DENND1A: variants seen among roughly 807,000 people sequenced by gnomAD.
DENND1A encodes DENN domain containing 1A.
Under a neutral mutation model 113.7 loss-of-function variants are expected in DENND1A, and 51 were observed. That is an observed-to-expected ratio of 0.45 (90% CI 0.36 to 0.57). The LOEUF is 0.57. Among genes scored for constraint, DENND1A ranks in the 20% least tolerant of loss-of-function variants. DENND1A has a pLI of 0.00. For missense variants in DENND1A, 1,258 were observed against 1,395.9 expected, an observed-to-expected ratio of 0.90 and a Z score of 1.57; for synonymous variants, 565 against 570.8, an observed-to-expected ratio of 0.99 and a Z score of 0.14.
At chr9:123,432,762 T>G (rs1479234270) in intron 19 of DENND1A, among the ~76,000 whole-genome samples, 1 of 152,234 alleles carries the variant, frequency 6.6e-6, no homozygotes, top group South Asian at 2.1e-4. Flanking sequence ...CTAGGTACCT[T>G]CTGCCCCAAC....
chr9:123,853,211 C>A (rs1246899967), intron 2 of DENND1A, among the ~76,000 whole-genome samples: 1 of 151,596 alleles, frequency 6.6e-6, no homozygotes, highest in Non-Finnish European at 1.5e-5. Context: ...AGCCACCACG[C>A]CCAGCCTTTA....
chr9:123,783,495 C>G (rs200573456), intron 3 of DENND1A, among the ~76,000 whole-genome samples: 2 of 152,154 alleles, frequency 1.3e-5, no homozygotes, highest in African/African-American at 4.8e-5. Flanking sequence ...ATAGGAGACA[C>G]GACATAATTA....
At chr9:123,907,433 A>G (rs1853072334) in intron 1 of DENND1A, among the ~76,000 whole-genome samples, 2 of 151,786 alleles carry the variant, frequency 1.3e-5, no homozygotes, top group South Asian at 2.1e-4. Context: ...ACATGATTGT[A>G]TATCTAGAAA....
At chr9:123,440,569 C>A in intron 18 of DENND1A, 78 bp from the exon 19 acceptor site, 3 of 1,459,590 alleles carry the variant, frequency 2.1e-6, no homozygotes, top group South Asian at 1.5e-5. Flanking sequence ...AACGAAGAGG[C>A]CTGCCAGGCG....
chr9:123,784,415 G>C (rs1221991147), intron 3 of DENND1A, among the ~76,000 whole-genome samples: 1 of 152,094 alleles, frequency 6.6e-6, no homozygotes, highest in Non-Finnish European at 1.5e-5. Flanking sequence ...GAATGCAGAG[G>C]GAAACAGAAG....
chr9:123,516,904 A>AAAAAAAAAAAAAAAAAAAAAG (rs2053970942), intron 13 of DENND1A, among the ~76,000 whole-genome samples: 1 of 35,616 alleles, frequency 2.8e-5, no homozygotes, highest in Non-Finnish European at 1.2e-4. Context: ...AAAAAAAAAA[A>AAAAAAAAAAAAAAAAAAAAAG]AAAAAAAAAA....
chr9:123,407,988 T>TTC (rs1261133253), intron 20 of DENND1A, among the ~76,000 whole-genome samples: 1 of 152,200 alleles, frequency 6.6e-6, no homozygotes, highest in Non-Finnish European at 1.5e-5. Context: ...CTTCTGCTCT[T>TTC]TCTTTTTTCT....
At position 123,503,893 on chromosome 9, in the gene DENND1A, C is replaced by T. The variant is rs190268448; in HGVS notation, c.994-45996G>A. Among the ~76,000 whole-genome samples, 67 of 152,272 alleles carry T rather than the reference C, an allele frequency of 4.4e-4. 1 individual carries two copies. Among genetic ancestry groups the T allele is most frequent in the African/African-American group, 1.3e-3 (54 of 41,536 alleles). The stretch of plus-strand genomic sequence containing the variant: ...TCTGGGCAATGGCTGAGGGTCCTGT[C>T]GGGTCTTTATCGTTCCCTGTGTGCT... On this transcript the variant is annotated intron_variant, in intron 13 of 23. Transcript: ENST00000394215.
At chr9:123,826,952 A>T (rs895314608) in intron 2 of DENND1A, among the ~76,000 whole-genome samples, 1 of 152,234 alleles carries the variant, frequency 6.6e-6, no homozygotes, top group African/African-American at 2.4e-5. Flanking sequence ...CTAGAAAATA[A>T]CTTCTGTAAT....
At chr9:123,613,351 A>C (rs1020479607) in intron 10 of DENND1A, among the ~76,000 whole-genome samples, 7 of 152,230 alleles carry the variant, frequency 4.6e-5, no homozygotes, top group African/African-American at 1.4e-4. Flanking sequence ...TAAAAAAAAA[A>C]AACTTCTTCA....
intron 1 of DENND1A, among the ~76,000 whole-genome samples, chr9:123,879,534 A>G (rs1030947856): frequency 6.7e-6 from 1 of 149,392 alleles, no homozygotes; most frequent in African/African-American, 2.5e-5. Context: ...TGCTGTCTCA[A>G]AAATGAATAA....
Position 123,393,986 on chromosome 9 carries a change from G to A in DENND1A, c.1632-6128C>T, listed in dbSNP as rs2042986875. On this transcript the variant is annotated intron_variant, in intron 21 of 23. Transcript: ENST00000394215. ...CAAGGCTCCATTTGGGAGGTGATGT[G>A]GGAGCCAGACTTTTTTTTTTTTTGA... Among the ~76,000 whole-genome samples, 3 of 118,844 alleles carry A rather than the reference G, an allele frequency of 2.5e-5. No homozygotes were observed. The Admixed American group carries it at 2.8e-4, about 11-fold the overall frequency. 78.0% of individuals were successfully genotyped at this position (118,844 alleles called of 152,430 possible). A position where few individuals can be genotyped will look rare whatever the true frequency, so the allele number is the denominator to read the frequency against.
At chr9:123,566,922 C>A (rs1254883611) in intron 12 of DENND1A, among the ~76,000 whole-genome samples, 1 of 151,584 alleles carries the variant, frequency 6.6e-6, no homozygotes, top group Non-Finnish European at 1.5e-5. Flanking sequence ...ACCACACACA[C>A]ACACACACAC....
chr9:123,565,058 C>T (rs2057977977), intron 12 of DENND1A, among the ~76,000 whole-genome samples: 1 of 138,692 alleles, frequency 7.2e-6, no homozygotes, highest in Non-Finnish European at 1.5e-5. Context: ...GTGGCACCAT[C>T]TTGGCTCACT....
intron 5 of DENND1A, among the ~76,000 whole-genome samples, chr9:123,724,821 C>T (rs1414302337): frequency 6.6e-6 from 1 of 152,182 alleles, no homozygotes; most frequent in Non-Finnish European, 1.5e-5. Context: ...GTAAAAAACA[C>T]AAATCATCCC....
chr9:123,925,473 TG>T (rs771149290), intron 1 of DENND1A, among the ~76,000 whole-genome samples: 6 of 152,196 alleles, frequency 3.9e-5, no homozygotes, highest in Admixed American at 6.5e-5. Context: ...ACTTGTGTTT[TG>T]TTTTTTTTGT....
chr9:123,875,469 A>T (rs552161491), intron 2 of DENND1A, among the ~76,000 whole-genome samples: 89 of 152,362 alleles, frequency 5.8e-4, no homozygotes, highest in Admixed American at 2.6e-3. Context: ...ACAACTGACT[A>T]GAAGGCCAGG....
chr9:123,716,235 A>ATC (rs1323653503), intron 5 of DENND1A, among the ~76,000 whole-genome samples: 1 of 152,216 alleles, frequency 6.6e-6, no homozygotes, highest in Non-Finnish European at 1.5e-5. Flanking sequence ...ATCTTCACAG[A>ATC]TCTCTACTCC....
chr9:123,635,908 C>T (rs1482193413), intron 9 of DENND1A, among the ~76,000 whole-genome samples: 2 of 152,156 alleles, frequency 1.3e-5, no homozygotes, highest in East Asian at 3.9e-4. Flanking sequence ...TCCTAGGTCT[C>T]AATTTGTCCT....
Sources: allele counts gnomAD v4.1 joint callset (sites outside exome capture counted in the v4.1 genomes callset), GRCh38; gene constraint gnomAD v4.1.1; transcripts MANE v1.5; gene names NCBI Gene and HGNC (gene_info 2026-07-23, HGNC 2026-07-21).